NMNAT2: variants seen among roughly 807,000 people sequenced by gnomAD.
The protein encoded by NMNAT2 is nicotinamide/nicotinic acid mononucleotide adenylyltransferase 2.
In NMNAT2, 11 loss-of-function variants were observed where a neutral mutation model predicts 41.6. The observed-to-expected ratio is 0.26, with a 90% confidence interval of 0.17 to 0.44. The LOEUF (loss-of-function observed/expected upper bound fraction) is 0.44. Ranked by LOEUF, NMNAT2 falls within the 20% of genes least tolerant of loss-of-function variation. The pLI is 1.00. For missense variants in NMNAT2, 288 were observed against 407.7 expected (o/e 0.71, Z 2.53); for synonymous variants, 148 against 151.2 (o/e 0.98, Z 0.16).
chr1:183,351,961 T>C (rs1214487396), intron 1 of NMNAT2, among the ~76,000 whole-genome samples: 3 of 152,104 alleles, frequency 2.0e-5, no homozygotes, highest in East Asian at 1.9e-4. Context: ...TGAAACCCAA[T>C]GACATGCAAT....
At chr1:183,291,217 T>G (rs1434235768) in intron 3 of NMNAT2, among the ~76,000 whole-genome samples, 3 of 152,200 alleles carry the variant, frequency 2.0e-5, no homozygotes, top group East Asian at 3.9e-4. Flanking sequence ...GTGCCCTGCC[T>G]TGTCTAACAT....
At chr1:183,320,706 A>C (rs1228031540) in intron 1 of NMNAT2, among the ~76,000 whole-genome samples, 1 of 152,232 alleles carries the variant, frequency 6.6e-6, no homozygotes, top group Non-Finnish European at 1.5e-5. Context: ...GCTATGTTTT[A>C]CCTGGGTTAC....
At chr1:183,279,410 G>A (rs1661204528) in intron 7 of NMNAT2, among the ~76,000 whole-genome samples, 1 of 152,212 alleles carries the variant, frequency 6.6e-6, no homozygotes, top group Admixed American at 6.5e-5. Flanking sequence ...GGCTCAGGGT[G>A]GAGCACAGCG....
intron 1 of NMNAT2, among the ~76,000 whole-genome samples, chr1:183,373,316 G>A (rs1423509663): frequency 6.6e-6 from 1 of 152,226 alleles, no homozygotes; most frequent in Non-Finnish European, 1.5e-5. Context: ...GGTCCTAACT[G>A]AGAGGCCTGA....
intron 8 of NMNAT2, 136 bp from the exon 9 acceptor site, chr1:183,261,439 T>G: frequency 2.8e-6 from 2 of 713,518 alleles, no homozygotes; most frequent in South Asian, 3.3e-5. Context: ...GGCCTTCTTC[T>G]CAGCCCCATC....
intron 10 of NMNAT2, among the ~76,000 whole-genome samples, chr1:183,255,250 T>A (rs1016605752): frequency 1.3e-5 from 2 of 152,222 alleles, no homozygotes; most frequent in Non-Finnish European, 2.9e-5. Context: ...ATTTCTGGGC[T>A]CACTATTCGG....
chr1:183,395,099 A>G (rs1648599036), intron 1 of NMNAT2, among the ~76,000 whole-genome samples: 1 of 152,146 alleles, frequency 6.6e-6, no homozygotes, highest in African/African-American at 2.4e-5. Context: ...ACTGGCAACA[A>G]CTGATAATAT....
At chr1:183,401,392 GA>G (rs1648804146) in intron 1 of NMNAT2, among the ~76,000 whole-genome samples, 1 of 152,052 alleles carries the variant, frequency 6.6e-6, no homozygotes, top group Non-Finnish European at 1.5e-5. Context: ...TTAGAATGGT[GA>G]TCATTAAAAA....
chr1:183,260,819 CAAAAAAA>C (rs35660466), intron 10 of NMNAT2, among the ~76,000 whole-genome samples, 176 bp downstream of exon 10: 2 of 74,992 alleles, frequency 2.7e-5, no homozygotes, highest in South Asian at 4.8e-4. Context: ...GACGCTGTCT[CAAAAAAA>C]AAAAAAAAAA....
Position 183,367,808 on chromosome 1 carries a change from A to G in NMNAT2, c.85+50375T>C, listed in dbSNP as rs114487773. Among the ~76,000 whole-genome samples the G allele has an allele frequency of 2.1e-3, 326 of 152,336 alleles. 1 individual carries two copies. Among genetic ancestry groups the G allele is most frequent in the African/African-American group, 7.6e-3 (316 of 41,580 alleles). ...AAGATAAAAATTAAATGAAGATGCA[A>G]TAAAAATATAAATAGAAGTGCCAAT... On this transcript the variant is annotated intron_variant, in intron 1 of 10. Coordinates refer to ENST00000287713, the MANE Select transcript of NMNAT2 (RefSeq NM_015039.4).
At chr1:183,367,586 T>C (rs1487692015) in intron 1 of NMNAT2, among the ~76,000 whole-genome samples, 2 of 152,196 alleles carry the variant, frequency 1.3e-5, no homozygotes, top group Non-Finnish European at 2.9e-5. Flanking sequence ...CAGTGCAAGA[T>C]GAGAGATATT....
intron 1 of NMNAT2, among the ~76,000 whole-genome samples, chr1:183,415,651 T>A (rs1649232183): frequency 6.6e-6 from 1 of 152,232 alleles, no homozygotes; most frequent in South Asian, 2.1e-4. Flanking sequence ...GTTTCTCATT[T>A]GTAAAATAAG....
intron 1 of NMNAT2, among the ~76,000 whole-genome samples, chr1:183,395,274 C>A (rs187218181): frequency 6.6e-6 from 1 of 151,994 alleles, no homozygotes; most frequent in East Asian, 1.9e-4. Context: ...TTGAGCAGGG[C>A]AGGCCAGCCT....
intron 1 of NMNAT2, chr1:183,304,970 C>T (rs1661962634): frequency 9.9e-7 from 1 of 1,011,766 alleles, no homozygotes. Flanking sequence ...TCATATGCTC[C>T]CGCTTGTAGG....
At chr1:183,367,625 T>A (rs1663441650) in intron 1 of NMNAT2, among the ~76,000 whole-genome samples, 1 of 152,226 alleles carries the variant, frequency 6.6e-6, no homozygotes, top group African/African-American at 2.4e-5. Flanking sequence ...AACTTTTACA[T>A]GAGTAGTCGA....
At chr1:183,310,500 C>T (rs1297291606) in intron 1 of NMNAT2, among the ~76,000 whole-genome samples, 2 of 152,160 alleles carry the variant, frequency 1.3e-5, no homozygotes, top group Non-Finnish European at 2.9e-5. Flanking sequence ...CCAGTGATTT[C>T]CCAGGAAAAC....
chr1:183,322,083 C>A (rs1662367396), intron 1 of NMNAT2, among the ~76,000 whole-genome samples: 2 of 152,098 alleles, frequency 1.3e-5, no homozygotes, highest in African/African-American at 2.4e-5. Context: ...CCTTGGCTTC[C>A]CAAAATGCTA....
chr1:183,276,558 T>TGAG (rs1457722487), intron 8 of NMNAT2, among the ~76,000 whole-genome samples: 2 of 152,202 alleles, frequency 1.3e-5, no homozygotes, highest in African/African-American at 4.8e-5. Flanking sequence ...AGCCTGGGTC[T>TGAG]GCCCTTGAGA....
chr1:183,277,236 A>T (rs1202064803), intron 8 of NMNAT2, among the ~76,000 whole-genome samples: 3 of 152,286 alleles, frequency 2.0e-5, no homozygotes, highest in Middle Eastern at 3.4e-3. Flanking sequence ...TAATCCCAGC[A>T]CTTTGGGAGG....
Sources: allele counts gnomAD v4.1 joint callset (sites outside exome capture counted in the v4.1 genomes callset), GRCh38; gene constraint gnomAD v4.1.1; transcripts MANE v1.5; gene names NCBI Gene and HGNC (gene_info 2026-07-23, HGNC 2026-07-21).